Variants in SCAF4 observed in about 807,000 individuals in gnomAD.
The protein encoded by SCAF4 is SR-related CTD associated factor 4.
SCAF4 carries 25 observed loss-of-function variants against 129.8 expected under a neutral mutation model. That is an observed-to-expected ratio of 0.19 (90% CI 0.14 to 0.27). SCAF4 has a LOEUF of 0.27. SCAF4 is among the 10% of genes least tolerant of loss of function. The pLI is 1.00. For synonymous variants in SCAF4, 551 were observed against 497.7 expected (o/e 1.11, Z -1.43); for missense variants, 1,246 against 1,457.1 (o/e 0.86, Z 2.36).
chr21:31,695,016 A>G, intron 9 of SCAF4, 36 bp from the exon 10 acceptor site: 1 of 1,548,284 alleles, frequency 6.5e-7, no homozygotes, highest in Non-Finnish European at 8.8e-7. Flanking sequence ...AGTAATAGCT[A>G]TCAAAATAAT....
At chr21:31,679,756 T>C (rs938099266) in intron 19 of SCAF4, among the ~76,000 whole-genome samples, 4 of 152,160 alleles carry the variant, frequency 2.6e-5, no homozygotes, top group Non-Finnish European at 4.4e-5. Flanking sequence ...GAATTATAAG[T>C]GAAATTGGAG....
intron 4 of SCAF4, 80 bp downstream of exon 4, chr21:31,703,685 A>G (rs2123593579): frequency 2.6e-6 from 2 of 759,750 alleles, no homozygotes; most frequent in South Asian, 5.6e-5. Context: ...CTGGTAATAT[A>G]GTAGGCTCCA....
chr21:31,725,680 T>C (rs553459733), intron 1 of SCAF4, among the ~76,000 whole-genome samples: 2 of 152,298 alleles, frequency 1.3e-5, no homozygotes, highest in African/African-American at 4.8e-5. Flanking sequence ...TTCATATGAA[T>C]ACTAAGATAG....
At chr21:31,721,972 G>A (rs941508885) in intron 1 of SCAF4, among the ~76,000 whole-genome samples, 2 of 151,860 alleles carry the variant, frequency 1.3e-5, no homozygotes, top group Non-Finnish European at 2.9e-5. Flanking sequence ...CACCCACTTT[G>A]ACCTCCCAAA....
chr21:31,681,995 A>T (rs1449895458), intron 19 of SCAF4, among the ~76,000 whole-genome samples: 1 of 152,216 alleles, frequency 6.6e-6, no homozygotes, highest in Non-Finnish European at 1.5e-5. Flanking sequence ...AACTACAGAT[A>T]TCTAGTAGGT....
intron 7 of SCAF4, among the ~76,000 whole-genome samples, chr21:31,700,452 A>AT (rs1460894229): frequency 6.6e-6 from 1 of 151,934 alleles, no homozygotes; most frequent in African/African-American, 2.4e-5. Flanking sequence ...TTGAATGTCT[A>AT]TTAGTAGTGG....
At position 31,688,114 on chromosome 21, in the gene SCAF4, C is replaced by CAAAAAAAA. The variant is rs61592268; in HGVS notation, c.2043+185_2043+192dup. ...TGGGCAACAAAGAGAGACTCTGTCTCAAAAAAAAAAAAAAAAAAAAAAAAA... is the reference window on the plus strand; with the variant it reads ...TGGGCAACAAAGAGAGACTCTGTCTCAAAAAAAAAAAAAAAAAAAAAAAAAAAAAAAAA... On this transcript the variant is annotated intron_variant, in intron 16 of 19. Coordinates refer to ENST00000286835, the MANE Select transcript of SCAF4 (RefSeq NM_020706.2). 6.1e-3 allele frequency among the ~76,000 whole-genome samples: 67 copies of CAAAAAAAA among 10,904 alleles called. 12 individuals are homozygous for CAAAAAAAA. The highest frequency in any genetic ancestry group is 0.01 in the African/African-American group (33 of 3,180). 7.2% of individuals were successfully genotyped at this position (10,904 alleles called of 152,430 possible).
chr21:31,688,315 G>T lies in SCAF4; in HGVS notation c.2035C>A (p.Pro679Thr). ...IPVPAPITVPPPQVPPHQPGP... is the reference protein window; with the variant it reads ...IPVPAPITVPTPQVPPHQPGP... ...TGTCCCAATATTCTCACCTGTGGAGGTGGCACTGTTATAGGTGCAGGAACA... is the reference window on the plus strand; with the variant it reads ...TGTCCCAATATTCTCACCTGTGGAGTTGGCACTGTTATAGGTGCAGGAACA... The change falls in exon 16 of 20, where the codon CCT (proline) becomes ACT (threonine). Residue 679 changes from proline (P) to threonine (T), a missense_variant. This residue lies in a region of SCAF4 where 468 missense variants were observed against 605.5 expected (regional missense o/e 0.77). Coordinates refer to ENST00000286835, the MANE Select transcript of SCAF4 (RefSeq NM_020706.2). The T allele has an allele frequency of 6.2e-7, 1 of 1,612,976 alleles. No homozygotes were observed. Among genetic ancestry groups the T allele is most frequent in the South Asian group, 1.1e-5 (1 of 90,870 alleles).
chr21:31,696,830 T>C, intron 7 of SCAF4, 80 bp from the exon 8 acceptor site: 1 of 1,191,782 alleles, frequency 8.4e-7, no homozygotes, highest in Non-Finnish European at 1.2e-6. Context: ...ACAAGGGATG[T>C]TTACCACCAT....
chr21:31,701,084 T>C lies in SCAF4; in HGVS notation c.688A>G (p.Ile230Val), dbSNP rs2050519514. ...DNAVMAQVQAITAQLKTTPTQ... is the reference protein window; with the variant it reads ...DNAVMAQVQAVTAQLKTTPTQ... Reference sequence around the variant, plus strand: ...GGAGTTGTCTTTAACTGAGCTGTGATAGCCTGAACCTGAGCCATCACAGCA... The same window carrying C: ...GGAGTTGTCTTTAACTGAGCTGTGACAGCCTGAACCTGAGCCATCACAGCA... The change falls in exon 7 of 20, where the codon ATC (isoleucine) becomes GTC (valine). Residue 230 changes from isoleucine to valine, a missense_variant. This residue lies in a region of SCAF4 where 143 missense variants were observed against 161.0 expected (regional missense o/e 0.89). Transcript: ENST00000286835. 2.5e-6 allele frequency: 4 copies of C among 1,613,994 alleles called. No individual in the cohort carries two copies. Among genetic ancestry groups the C allele is most frequent in the South Asian group, 2.2e-5 (2 of 91,086 alleles).
chr21:31,712,368 C>T (rs1294805926), intron 1 of SCAF4, among the ~76,000 whole-genome samples: 1 of 151,182 alleles, frequency 6.6e-6, no homozygotes, highest in African/African-American at 2.4e-5. Context: ...CAGACGTGCA[C>T]CACCACACCC....
chr21:31,671,108 TAA>T lies in SCAF4; in HGVS notation c.*289_*290del, dbSNP rs573116164. 4,864 of 205,522 alleles carry T rather than the reference TAA, an allele frequency of 0.024. No individual in the cohort carries two copies. The highest frequency in any genetic ancestry group is 0.032 in the Middle Eastern group (19 of 602). 12.7% of individuals were successfully genotyped at this position (205,522 alleles called of 1,614,324 possible). On this transcript the variant is annotated 3_prime_UTR_variant, in exon 20 of 20. Coordinates refer to ENST00000286835, the MANE Select transcript of SCAF4 (RefSeq NM_020706.2). ...CTTTCACCGTTACCTTGTCTTAAAT[TAA>T]AAAAAAAAAAAAAAATAGAGAGCAC... is the stretch of plus-strand genomic sequence containing the variant.
intron 19 of SCAF4, among the ~76,000 whole-genome samples, chr21:31,672,872 ATAT>A (rs2049747047): frequency 6.6e-6 from 1 of 152,256 alleles, no homozygotes; most frequent in African/African-American, 2.4e-5. Context: ...CACTTAGTCC[ATAT>A]TATTAAAATG....
At chr21:31,729,240 C>G (rs1304500960) in intron 1 of SCAF4, among the ~76,000 whole-genome samples, 2 of 152,186 alleles carry the variant, frequency 1.3e-5, no homozygotes, top group African/African-American at 2.4e-5. Flanking sequence ...CAGTAGCCTT[C>G]AGAATCAAAA....
chr21:31,687,953 C>T (rs373657345), intron 16 of SCAF4, among the ~76,000 whole-genome samples: 1 of 151,228 alleles, frequency 6.6e-6, no homozygotes, highest in South Asian at 2.1e-4. Flanking sequence ...ACTAAAAATA[C>T]AAAAATTAGC....
Position 31,671,127 on chromosome 21 carries a change from A to T in SCAF4, c.*272T>A. 3.7e-6 allele frequency: 1 copy of T among 267,824 alleles called. No individual in the cohort carries two copies. The highest frequency in any genetic ancestry group is 2.2e-5 in the African/African-American group (1 of 44,492). The allele number at this position is 267,824 out of a possible 1,614,324, so 16.6% of individuals were successfully genotyped here. A position where few individuals can be genotyped will look rare whatever the true frequency, so the allele number is the denominator to read the frequency against. On this transcript the variant is annotated 3_prime_UTR_variant, in exon 20 of 20. Coordinates refer to ENST00000286835, the MANE Select transcript of SCAF4 (RefSeq NM_020706.2). ...TTAAATTAAAAAAAAAAAAAAAAAT[A>T]GAGAGCACTTCTAATTACGATTTGT...
intron 2 of SCAF4, 115 bp from the exon 3 acceptor site, chr21:31,705,582 T>TG (rs902991955): frequency 1.1e-5 from 4 of 379,578 alleles, no homozygotes; most frequent in South Asian, 1.0e-4. Context: ...CAATACTGAA[T>TG]GAACCATGAG....
rs1250782017 is a variant in SCAF4, at chr21:31,691,945, T to G, written c.1615-15A>C. The stretch of plus-strand genomic sequence containing the variant: ...GGAGGAATCATCTGCTCCAAAACAT[T>G]TTAATATTATAAAAGATAACAAAAT... On this transcript the variant is annotated splice_polypyrimidine_tract_variant and intron_variant, in intron 13 of 19. Coordinates refer to ENST00000286835, the MANE Select transcript of SCAF4 (RefSeq NM_020706.2). The G allele has an allele frequency of 3.0e-6, 4 of 1,321,454 alleles. No homozygotes were observed. The highest frequency in any genetic ancestry group is 4.3e-6 in the Non-Finnish European group (4 of 937,242). 81.9% of individuals were successfully genotyped at this position (1,321,454 alleles called of 1,614,324 possible).
At chr21:31,699,926 T>C (rs978337149) in intron 7 of SCAF4, among the ~76,000 whole-genome samples, 3 of 152,148 alleles carry the variant, frequency 2.0e-5, no homozygotes, top group African/African-American at 4.8e-5. Flanking sequence ...ATAGGCCCGA[T>C]AGAGCAGCTG....
Sources: gnomAD v4.1 joint callset for allele counts (sites outside exome capture counted in the v4.1 genomes callset) on GRCh38, gnomAD v4.1.1 for gene constraint, gnomAD v4.1.1 regional missense constraint, MANE v1.5 for transcripts, NCBI Gene and HGNC (gene_info 2026-07-23, HGNC 2026-07-21) for gene names.